Variants in KIAA0232 observed in about 807,000 individuals in gnomAD.
KIAA0232 encodes KIAA0232, also known as uncharacterized protein KIAA0232.
KIAA0232 carries 27 observed loss-of-function variants against 122.0 expected under a neutral mutation model. That is an observed-to-expected ratio of 0.22 (90% CI 0.16 to 0.31). The LOEUF (loss-of-function observed/expected upper bound fraction) is 0.31, where lower values mean the gene tolerates loss of function less well. Among genes scored for constraint, KIAA0232 ranks in the 10% least tolerant of loss-of-function variants. The pLI, the probability that KIAA0232 is intolerant of heterozygous loss-of-function variation, is 1.00. For missense variants in KIAA0232, 1,551 were observed against 1,634.2 expected, an observed-to-expected ratio of 0.95 and a Z score of 0.88; for synonymous variants, 613 against 587.6, an observed-to-expected ratio of 1.04 and a Z score of -0.63.
At chr4:6,859,188 G>A (rs1720727153) in intron 6 of KIAA0232, among the ~76,000 whole-genome samples, 3 of 150,948 alleles carry the variant, frequency 2.0e-5, no homozygotes, top group African/African-American at 7.3e-5. Flanking sequence ...ACTGTTTACT[G>A]CAGAGGGAAC....
chr4:6,807,120 G>A (rs1434770454), intron 2 of KIAA0232, among the ~76,000 whole-genome samples: 1 of 151,920 alleles, frequency 6.6e-6, no homozygotes, highest in Non-Finnish European at 1.5e-5. Flanking sequence ...AGTTGGCCCT[G>A]TACGCCTGGG....
intron 3 of KIAA0232, among the ~76,000 whole-genome samples, chr4:6,833,052 T>G (rs1297086873): frequency 6.6e-6 from 1 of 152,232 alleles, no homozygotes; most frequent in Non-Finnish European, 1.5e-5. Context: ...CTTCAGCCTA[T>G]TTGTAACATA....
At chr4:6,823,572 A>G (rs989370904) in intron 2 of KIAA0232, among the ~76,000 whole-genome samples, 20 of 152,218 alleles carry the variant, frequency 1.3e-4, no homozygotes, top group Non-Finnish European at 2.5e-4. Context: ...TTACTTATAT[A>G]AAACATAAAG....
intron 3 of KIAA0232, among the ~76,000 whole-genome samples, chr4:6,840,168 C>T (rs910306065): frequency 6.6e-6 from 1 of 152,162 alleles, no homozygotes; most frequent in Non-Finnish European, 1.5e-5. Context: ...CTCTTTTTGT[C>T]AGCTTGGTTT....
At chr4:6,791,166 C>G (rs764274738) in intron 1 of KIAA0232, among the ~76,000 whole-genome samples, 17 of 151,116 alleles carry the variant, frequency 1.1e-4, no homozygotes, top group Non-Finnish European at 2.2e-4. Context: ...GCAGTCCGCC[C>G]GCCTTGGCCT....
intron 4 of KIAA0232, among the ~76,000 whole-genome samples, chr4:6,852,642 A>G (rs1457893178): frequency 6.6e-6 from 1 of 152,218 alleles, no homozygotes; most frequent in Non-Finnish European, 1.5e-5. Context: ...TTGCTACATG[A>G]CTAAGTACCC....
intron 3 of KIAA0232, among the ~76,000 whole-genome samples, chr4:6,832,569 G>A (rs1312857653): frequency 2.6e-5 from 4 of 152,000 alleles, no homozygotes; most frequent in Non-Finnish European, 5.9e-5. Flanking sequence ...GGCTGGTCTC[G>A]AGCTCCTGAC....
At position 6,881,952 on chromosome 4, in the gene KIAA0232, G is replaced by A. The variant is rs1351615064; in HGVS notation, c.*986G>A. ...TGTAGTATAGCTTCGATCTCATTTT[G>A]TGTTTGAGAGAATGTTCTGGGCAAG... On this transcript the variant is annotated 3_prime_UTR_variant, in exon 10 of 10. Transcript: ENST00000307659. 3 of 152,652 alleles carry A rather than the reference G, an allele frequency of 2.0e-5. No individual in the cohort carries two copies. Among genetic ancestry groups the A allele is most frequent in the African/African-American group, 7.2e-5 (3 of 41,462 alleles). 9.5% of individuals were successfully genotyped at this position (152,652 alleles called of 1,614,324 possible).
chr4:6,860,229 A>G (rs746589419), intron 6 of KIAA0232, among the ~76,000 whole-genome samples: 1 of 151,876 alleles, frequency 6.6e-6, no homozygotes, highest in Non-Finnish European at 1.5e-5. Flanking sequence ...TAATTCCTTT[A>G]CTCCTCACAA....
At chr4:6,788,272 C>T (rs1416202884) in intron 1 of KIAA0232, among the ~76,000 whole-genome samples, 2 of 152,150 alleles carry the variant, frequency 1.3e-5, no homozygotes, top group Non-Finnish European at 1.5e-5. Context: ...CCCGCCTTGG[C>T]CTCCGAAAGT....
chr4:6,837,857 G>A (rs1198283463), intron 3 of KIAA0232, among the ~76,000 whole-genome samples: 2 of 152,150 alleles, frequency 1.3e-5, no homozygotes, highest in East Asian at 3.9e-4. Context: ...GAGCCGAGAT[G>A]GCGGCAGCAC....
chr4:6,802,859 C>G (rs1717446918), intron 1 of KIAA0232, among the ~76,000 whole-genome samples: 1 of 151,650 alleles, frequency 6.6e-6, no homozygotes, highest in Non-Finnish European at 1.5e-5. Context: ...GAGTAATAGT[C>G]GAATATGAGT....
intron 9 of KIAA0232, among the ~76,000 whole-genome samples, chr4:6,878,329 C>A (rs146213700): frequency 6.6e-6 from 1 of 152,048 alleles, no homozygotes; most frequent in Non-Finnish European, 1.5e-5. Context: ...GAGCTGAGAT[C>A]GCACCACTGC....
intron 3 of KIAA0232, among the ~76,000 whole-genome samples, chr4:6,830,298 A>G (rs547232947): frequency 6.6e-6 from 1 of 152,232 alleles, no homozygotes; most frequent in African/African-American, 2.4e-5. Flanking sequence ...TTACTGGTTT[A>G]AAAAACTTGA....
Position 6,861,541 on chromosome 4 carries a change from T to C in KIAA0232, c.1159T>C (p.Tyr387His). 6.2e-7 allele frequency: 1 copy of C among 1,614,040 alleles called. No homozygotes were observed. The highest frequency in any genetic ancestry group is 8.5e-7 in the Non-Finnish European group (1 of 1,179,996). The change falls in exon 7 of 10, where the codon TAC becomes CAC. Residue 387 changes from tyrosine (Y) to histidine (H), a missense_variant. By Grantham distance (83) the Tyr-to-His change is moderately conservative. This residue lies in a region of KIAA0232 where 377 missense variants were observed against 381.7 expected (regional missense o/e 0.99). Coordinates refer to ENST00000307659, the MANE Select transcript of KIAA0232 (RefSeq NM_014743.3). The part of the protein sequence containing the change: ...DPGSTEGKDL[Y>H]MENRKDTEYK... ...TGGGAGCACTGAAGGAAAAGACCTGTACATGGAGAATAGAAAGGACACAGA... is the reference window on the plus strand; with the variant it reads ...TGGGAGCACTGAAGGAAAAGACCTGCACATGGAGAATAGAAAGGACACAGA...
intron 2 of KIAA0232, among the ~76,000 whole-genome samples, chr4:6,814,371 A>C (rs1256386235): frequency 2.6e-5 from 4 of 151,666 alleles, no homozygotes; most frequent in Non-Finnish European, 5.9e-5. Flanking sequence ...ATGATCTCAT[A>C]GTTGGTTGTT....
At chr4:6,800,692 AG>A in intron 1 of KIAA0232, among the ~76,000 whole-genome samples, 1 of 152,170 alleles carries the variant, frequency 6.6e-6, no homozygotes, top group Non-Finnish European at 1.5e-5. Context: ...AAAAAAAAAA[AG>A]AAAATTTGGA....
At chr4:6,807,138 G>A (rs1448590415) in intron 2 of KIAA0232, among the ~76,000 whole-genome samples, 3 of 151,892 alleles carry the variant, frequency 2.0e-5, no homozygotes, top group African/African-American at 7.3e-5. Flanking sequence ...GGGCTCAAGT[G>A]TTGTTCCTGC....
rs1041969659 is a variant in KIAA0232 at position 6,855,272 on chromosome 4, G to C, written c.370-1892G>C. Among the ~76,000 whole-genome samples, 2 of 151,794 alleles carry C rather than the reference G, an allele frequency of 1.3e-5. No individual in the cohort carries two copies. The highest frequency in any genetic ancestry group is 2.4e-5 in the African/African-American group (1 of 41,288). On this transcript the variant is annotated intron_variant, in intron 4 of 9. Transcript: ENST00000307659. This position sits in a 1 kb window ranked among gnomAD's most constrained non-coding sequence, Gnocchi z 4.3. ...GCTAATTTTTTTTGTATTTTTAGTA[G>C]AAACGGGGTTTCACCATGTTCGCCA...
Sources: allele counts gnomAD v4.1 joint callset (sites outside exome capture counted in the v4.1 genomes callset), GRCh38; gene constraint gnomAD v4.1.1; regional missense constraint gnomAD v4.1.1; non-coding constraint Gnocchi (gnomAD v3.1); transcripts MANE v1.5; gene names NCBI Gene and HGNC (gene_info 2026-07-23, HGNC 2026-07-21).